Variants in GRAMD2B observed in about 807,000 individuals in gnomAD.
GRAMD2B encodes GRAM domain containing 2B.
A neutral mutation model predicts 59.2 loss-of-function variants in GRAMD2B; 41 were observed. That is an observed-to-expected ratio of 0.69 (90% CI 0.54 to 0.90). The LOEUF (loss-of-function observed/expected upper bound fraction) is 0.90. Ranked by LOEUF, GRAMD2B falls within the 40% of genes least tolerant of loss-of-function variation. The pLI is 0.00. For missense variants in GRAMD2B, 424 were observed against 500.5 expected (o/e 0.85, Z 1.46); for synonymous variants, 161 against 182.7 (o/e 0.88, Z 0.96).
intron 1 of GRAMD2B, among the ~76,000 whole-genome samples, chr5:126,424,224 G>A (rs1760191679): frequency 6.6e-6 from 1 of 152,186 alleles, no homozygotes; most frequent in African/African-American, 2.4e-5. Context: ...GACAAGGTAT[G>A]ATAAAGAGTT....
upstream of GRAMD2B, chr5:126,371,297 T>A (rs917452032): frequency 1.9e-5 from 21 of 1,120,860 alleles, no homozygotes; most frequent in Middle Eastern, 5.0e-4. Context: ...AAACATAGCC[T>A]CAGCTAGATT....
intron 1 of GRAMD2B, among the ~76,000 whole-genome samples, chr5:126,460,292 G>A (rs1435042601): frequency 6.6e-6 from 1 of 151,932 alleles, no homozygotes; most frequent in Non-Finnish European, 1.5e-5. Flanking sequence ...ATGAAACAGG[G>A]GTAAAAAGAA....
upstream of GRAMD2B, among the ~76,000 whole-genome samples, chr5:126,422,860 T>A (rs1759885550): frequency 6.6e-6 from 1 of 152,036 alleles, no homozygotes; most frequent in Non-Finnish European, 1.5e-5. Flanking sequence ...ATGAGAACAG[T>A]CATAACCCAA....
rs183526988 is a variant in GRAMD2B, at chr5:126,433,084, G to A, written c.83+9395G>A. Among the ~76,000 whole-genome samples, 341 of 152,284 alleles carry A rather than the reference G, an allele frequency of 2.2e-3. 4 individuals are homozygous for A. The highest frequency in any genetic ancestry group is 3.9e-3 in the East Asian group (20 of 5,186). On this transcript the variant is annotated intron_variant, in intron 1 of 13. Coordinates refer to ENST00000285689, the MANE Select transcript of GRAMD2B (RefSeq NM_023927.4). ...TAAGGAGAATGGAATAGAGAGGAAA[G>A]GAATGTTTTGTTTTGAGATTCGATC...
intron 1 of GRAMD2B, chr5:126,465,180 G>C (rs1344041763): frequency 6.6e-6 from 9 of 1,355,214 alleles, no homozygotes; most frequent in Non-Finnish European, 8.6e-6. Flanking sequence ...AGACCTGGGA[G>C]CCAGCAAGTC....
intron 1 of GRAMD2B, among the ~76,000 whole-genome samples, chr5:126,411,841 GGTGTGTGTGTGTGT>G (rs147604532): frequency 6.7e-6 from 1 of 148,768 alleles, no homozygotes; most frequent in Non-Finnish European, 1.5e-5. Context: ...ATATATTTCT[GGTGTGTGTGTGTGT>G]GTGTGTTTGT....
chr5:126,462,586 T>C (rs1334169179), intron 1 of GRAMD2B: 8 of 261,596 alleles, frequency 3.1e-5, no homozygotes, highest in Non-Finnish European at 4.8e-5. Context: ...AATTAATCCA[T>C]ATCATTGAAC....
At chr5:126,437,424 A>G (rs1762589797) in intron 1 of GRAMD2B, among the ~76,000 whole-genome samples, 1 of 152,222 alleles carries the variant, frequency 6.6e-6, no homozygotes, top group African/African-American at 2.4e-5. Flanking sequence ...GGTATTAAAA[A>G]TGAGTTCCCT....
chr5:126,481,883 G>T (rs576504466), intron 8 of GRAMD2B, among the ~76,000 whole-genome samples: 38 of 151,332 alleles, frequency 2.5e-4, no homozygotes, highest in Non-Finnish European at 4.9e-4. Flanking sequence ...CAGGAGAATT[G>T]CTTGAACCTG....
At chr5:126,429,936 C>T (rs1048354610) in intron 1 of GRAMD2B, among the ~76,000 whole-genome samples, 1 of 152,186 alleles carries the variant, frequency 6.6e-6, no homozygotes, top group Non-Finnish European at 1.5e-5. Context: ...ATCCATCATC[C>T]ACTGATTCCA....
upstream of GRAMD2B, among the ~76,000 whole-genome samples, chr5:126,419,454 T>A (rs1580871090): frequency 6.6e-6 from 1 of 151,966 alleles, no homozygotes; most frequent in Non-Finnish European, 1.5e-5. Context: ...ACCACTATGA[T>A]CCAATCACTT....
intron 2 of GRAMD2B, among the ~76,000 whole-genome samples, chr5:126,468,415 T>C (rs933933427): frequency 6.6e-6 from 1 of 152,218 alleles, no homozygotes; most frequent in Non-Finnish European, 1.5e-5. Flanking sequence ...AATTCTTGCT[T>C]ATCCTGTTAG....
rs530147252 is a variant in GRAMD2B, at chr5:126,377,494, A to G, written c.125+5927A>G. Among the ~76,000 whole-genome samples, 495 of 152,270 alleles carry G rather than the reference A, an allele frequency of 3.3e-3. 1 individual carries two copies. The highest frequency in any genetic ancestry group is 5.4e-3 in the Non-Finnish European group (366 of 68,024). On this transcript the variant is annotated intron_variant, in intron 1 of 8. Transcript: ENST00000506445. ...CAGATAGTATTTTAACTGCAAGTAT[A>G]ATTTCTGTCTCTTTCCACTCCTATT...
At chr5:126,378,932 T>G (rs898735807) in intron 1 of GRAMD2B, among the ~76,000 whole-genome samples, 11 of 152,200 alleles carry the variant, frequency 7.2e-5, no homozygotes, top group African/African-American at 2.7e-4. Flanking sequence ...AGTACGTTTT[T>G]GGGAAACAGG....
chr5:126,383,157 C>T (rs113691620), intron 1 of GRAMD2B, among the ~76,000 whole-genome samples: 1 of 152,156 alleles, frequency 6.6e-6, no homozygotes, highest in Non-Finnish European at 1.5e-5. Flanking sequence ...ATTTCATGGA[C>T]ATTTATTTTG....
At chr5:126,371,432 A>G (rs892325326) in exon 1 of GRAMD2B, 2 of 1,281,268 alleles carry the variant, frequency 1.6e-6, no homozygotes, top group Admixed American at 2.4e-5. Flanking sequence ...TTGCGGGTCA[A>G]TAAGCGCACA....
chr5:126,366,463 G>C (rs1754440641), upstream of GRAMD2B, among the ~76,000 whole-genome samples: 1 of 152,168 alleles, frequency 6.6e-6, no homozygotes, highest in Admixed American at 6.5e-5. Context: ...CCAACTCAAA[G>C]ATCCTAATCT....
upstream of GRAMD2B, among the ~76,000 whole-genome samples, chr5:126,367,432 T>TGGAGGAGGAGGAGGAGGAGGAGGA (rs70994862): frequency 6.4e-5 from 9 of 140,766 alleles, no homozygotes; most frequent in African/African-American, 1.9e-4. Context: ...CTGTAAAAAC[T>TGGAGGAGGAGGAGGAGGAGGAGGA]GGAGGAGGAG....
chr5:126,434,863 C>T (rs1350802790), intron 1 of GRAMD2B, among the ~76,000 whole-genome samples: 1 of 152,160 alleles, frequency 6.6e-6, no homozygotes, highest in Non-Finnish European at 1.5e-5. Flanking sequence ...TTGTCTGGCA[C>T]CTGAGAGTTA....
Sources: gnomAD v4.1 joint callset for allele counts (sites outside exome capture counted in the v4.1 genomes callset) on GRCh38, gnomAD v4.1.1 for gene constraint, MANE v1.5 for transcripts, NCBI Gene and HGNC (gene_info 2026-07-23, HGNC 2026-07-21) for gene names.